Variants in RBFOX1 observed in about 807,000 individuals in gnomAD.
RBFOX1 encodes RNA binding fox-1 homolog 1, also known as RNA binding protein fox-1 homolog 1.
RBFOX1 carries 8 observed loss-of-function variants against 57.7 expected under a neutral mutation model. The ratio of observed to expected loss-of-function variants is 0.14; its 90% CI spans 0.08 to 0.25. The LOEUF is 0.25. RBFOX1 is among the 10% of genes least tolerant of loss of function. The pLI, the probability that RBFOX1 is intolerant of heterozygous loss-of-function variation, is 1.00. For synonymous variants in RBFOX1, 326 were observed against 222.4 expected (o/e 1.47, Z -4.15); for missense variants, 611 against 548.5 (o/e 1.11, Z -1.14).
At chr16:6,859,129 A>ATATATATATGTATATATATG (rs1567592071) in intron 3 of RBFOX1, among the ~76,000 whole-genome samples, 1 of 75,684 alleles carries the variant, frequency 1.3e-5, no homozygotes, top group African/African-American at 8.2e-5. Context: ...ATATATATAT[A>ATATATATATGTATATATATG]CATATATATA....
chr16:7,052,489 G>C (rs968410130), intron 4 of RBFOX1, among the ~76,000 whole-genome samples: 1 of 152,164 alleles, frequency 6.6e-6, no homozygotes, highest in African/African-American at 2.4e-5. Flanking sequence ...TTTGGCTGTT[G>C]ACTGGGGTGG....
intron 2 of RBFOX1, among the ~76,000 whole-genome samples, chr16:6,604,761 C>G (rs1032250618): frequency 6.6e-6 from 1 of 152,192 alleles, no homozygotes; most frequent in East Asian, 1.9e-4. Context: ...ATATATGATT[C>G]CAAGATTCTA....
At chr16:7,557,625 AAAAAAAAAAAAAAAAAAGAAAAAG>A (rs2089019646) in intron 5 of RBFOX1, among the ~76,000 whole-genome samples, 1 of 116,602 alleles carries the variant, frequency 8.6e-6, no homozygotes, top group Non-Finnish European at 1.9e-5. Context: ...GTCTCAAAAA[AAAAAAAAAAAAAAAAAAGAAAAAG>A]AAAAAAAAAA....
intron 2 of RBFOX1, among the ~76,000 whole-genome samples, chr16:6,489,938 G>A (rs2095593912): frequency 6.6e-6 from 1 of 152,158 alleles, no homozygotes; most frequent in African/African-American, 2.4e-5. Flanking sequence ...GAGAAATTCT[G>A]CAACTGGATC....
chr16:7,624,626 A>G (rs9933426), intron 10 of RBFOX1, among the ~76,000 whole-genome samples: 151,990 of 152,316 alleles, frequency 1, 75,834 homozygotes, highest in Middle Eastern at 1. Flanking sequence ...ATAGTTGCCT[A>G]GCTGAGCACT....
intron 3 of RBFOX1, among the ~76,000 whole-genome samples, chr16:5,614,761 G>C (rs1410262987): frequency 6.6e-6 from 1 of 152,196 alleles, no homozygotes; most frequent in Non-Finnish European, 1.5e-5. Context: ...GATGCGAGAT[G>C]CTATGGGTGA....
At chr16:6,715,025 G>T (rs1275179195) in intron 3 of RBFOX1, among the ~76,000 whole-genome samples, 1 of 152,044 alleles carries the variant, frequency 6.6e-6, no homozygotes, top group Non-Finnish European at 1.5e-5. Flanking sequence ...AGGAAGGAGG[G>T]GTAACTGCAG....
rs186796774 is a variant in RBFOX1, at chr16:7,597,320, T to C, written c.562-51T>C. Reference sequence around the variant, plus strand: ...GTCATAATGCATGCAACTAATTGAATTGGGAGCTGGCCCTAGAATATGTGC... The same window carrying C: ...GTCATAATGCATGCAACTAATTGAACTGGGAGCTGGCCCTAGAATATGTGC... On this transcript the variant is annotated intron_variant, in intron 8 of 15. Coordinates refer to ENST00000550418, the MANE Select transcript of RBFOX1 (RefSeq NM_018723.4). 19 of 1,380,714 alleles carry C rather than the reference T, an allele frequency of 1.4e-5. No homozygotes were observed. In the East Asian group the frequency reaches 3.8e-4, roughly 27 times the overall value. 85.5% of individuals were successfully genotyped at this position (1,380,714 alleles called of 1,614,324 possible).
At chr16:7,164,981 T>G (rs1270899864) in intron 4 of RBFOX1, among the ~76,000 whole-genome samples, 1 of 152,186 alleles carries the variant, frequency 6.6e-6, no homozygotes, top group African/African-American at 2.4e-5. Flanking sequence ...AACCTCTCCC[T>G]GAATTTGGAG....
rs774852615 is a variant in RBFOX1 at position 7,471,063 on chromosome 16, A to G, written c.28-47084A>G. ...CAGATAATAATAGGAGAAAATAAGG[A>G]ATAAAATGAAAATGTTCTTCCCAAC... On this transcript the variant is annotated intron_variant, in intron 4 of 15. Transcript: ENST00000550418. 6.6e-4 allele frequency among the ~76,000 whole-genome samples: 101 copies of G among 152,204 alleles called. 1 individual carries two copies. Among genetic ancestry groups the G allele is most frequent in the Non-Finnish European group, 6.2e-4 (42 of 68,050 alleles).
chr16:6,832,651 C>G (rs1567462656), intron 3 of RBFOX1, among the ~76,000 whole-genome samples: 2 of 152,126 alleles, frequency 1.3e-5, no homozygotes, highest in African/African-American at 2.4e-5. Context: ...TGCTGCCATG[C>G]CTGTGCACTT....
chr16:7,706,675 C>A (rs1056741983), intron 14 of RBFOX1, among the ~76,000 whole-genome samples: 1 of 152,156 alleles, frequency 6.6e-6, no homozygotes, highest in Admixed American at 6.5e-5. Flanking sequence ...TTTCAGTTTG[C>A]CTCTGCACTT....
At chr16:7,417,259 G>C (rs2098487416) in intron 4 of RBFOX1, among the ~76,000 whole-genome samples, 1 of 151,142 alleles carries the variant, frequency 6.6e-6, no homozygotes, top group African/African-American at 2.4e-5. Flanking sequence ...TGTAACCACA[G>C]CTACTTAGGA....
intron 4 of RBFOX1, among the ~76,000 whole-genome samples, chr16:7,483,060 C>T (rs2064421283): frequency 6.6e-6 from 1 of 152,154 alleles, no homozygotes; most frequent in Admixed American, 6.5e-5. Flanking sequence ...AGAGGGAAGC[C>T]ACCCTCGTCA....
intron 3 of RBFOX1, among the ~76,000 whole-genome samples, chr16:6,857,880 A>C (rs2058197881): frequency 6.6e-6 from 1 of 152,278 alleles, no homozygotes; most frequent in African/African-American, 2.4e-5. Context: ...AACCTGTCAA[A>C]TCCTGAGCTA....
chr16:7,219,458 A>G (rs755812684), intron 4 of RBFOX1, among the ~76,000 whole-genome samples: 1 of 152,218 alleles, frequency 6.6e-6, no homozygotes, highest in African/African-American at 2.4e-5. Flanking sequence ...CGGCTGCTCC[A>G]ACCGTGTTCA....
At chr16:7,096,458 C>T (rs568071504) in intron 4 of RBFOX1, among the ~76,000 whole-genome samples, 1 of 152,160 alleles carries the variant, frequency 6.6e-6, no homozygotes, top group African/African-American at 2.4e-5. Context: ...TTAACAGCAG[C>T]CCTGGTGGGT....
rs554752332 is a variant in RBFOX1, at chr16:7,693,467, AAGTTT to A, written c.996-15584_996-15580del. ...ACATGCTGCAGTTGGTCACTCTAGA[AAGTTT>A]AGTTAAGAAAAAAAAAAAAGATCTT... On this transcript the variant is annotated intron_variant, in intron 14 of 15. Transcript: ENST00000550418. The A allele has an allele frequency of 3.2e-4, 282 of 875,054 alleles. 1 individual carries two copies. In the African/African-American group the frequency reaches 3.9e-3, roughly 12 times the overall value. The allele number at this position is 875,054 out of a possible 1,614,324, so 54.2% of individuals were successfully genotyped here.
At chr16:6,678,608 C>T (rs1330165137) in intron 3 of RBFOX1, among the ~76,000 whole-genome samples, 1 of 150,890 alleles carries the variant, frequency 6.6e-6, no homozygotes, top group East Asian at 1.9e-4. Flanking sequence ...CAGCGGATTG[C>T]ATACTAGATT....
Sources: allele counts gnomAD v4.1 joint callset (sites outside exome capture counted in the v4.1 genomes callset), GRCh38; gene constraint gnomAD v4.1.1; transcripts MANE v1.5; gene names NCBI Gene and HGNC (gene_info 2026-07-23, HGNC 2026-07-21).